The following CCDC102B variants were observed in gnomAD, a reference collection of about 807,000 sequenced individuals.
The protein encoded by CCDC102B is coiled-coil domain containing 102B, also known as coiled-coil domain-containing protein 102B.
In CCDC102B, 75 loss-of-function variants were observed where a neutral mutation model predicts 57.4. That is an observed-to-expected ratio of 1.31 (90% confidence interval 1.08 to 1.58). CCDC102B has a LOEUF of 1.58. CCDC102B is among the 40% of genes most tolerant of loss of function. The pLI, the probability that CCDC102B is intolerant of heterozygous loss-of-function variation, is 0.00. For synonymous variants in CCDC102B, 206 were observed against 201.9 expected (o/e 1.02, Z -0.17); for missense variants, 636 against 582.6 (o/e 1.09, Z -0.94).
chr18:69,041,041 A>C (rs1004031067), intron 7 of CCDC102B, among the ~76,000 whole-genome samples: 1 of 152,074 alleles, frequency 6.6e-6, no homozygotes, highest in Non-Finnish European at 1.5e-5. Flanking sequence ...TGTTAGAGTA[A>C]AAAGAAATCA....
intron 6 of CCDC102B, among the ~76,000 whole-genome samples, chr18:68,925,886 T>C (rs1377919375): frequency 6.6e-6 from 1 of 151,974 alleles, no homozygotes; most frequent in Non-Finnish European, 1.5e-5. Context: ...GAGTATATTA[T>C]CAATATATAT....
intron 7 of CCDC102B, among the ~76,000 whole-genome samples, chr18:69,051,730 T>C (rs920262434): frequency 6.6e-6 from 1 of 152,020 alleles, no homozygotes; most frequent in Admixed American, 6.6e-5. Flanking sequence ...TTATACATCA[T>C]ATATACAGAA....
intron 6 of CCDC102B, among the ~76,000 whole-genome samples, chr18:69,007,806 T>C (rs1428914493): frequency 1.3e-5 from 2 of 152,212 alleles, no homozygotes; most frequent in African/African-American, 4.8e-5. Flanking sequence ...GGGCTCTGCT[T>C]ATAAAAATGG....
At chr18:68,916,278 A>T (rs1757021571) in intron 6 of CCDC102B, among the ~76,000 whole-genome samples, 1 of 152,158 alleles carries the variant, frequency 6.6e-6, no homozygotes, top group African/African-American at 2.4e-5. Flanking sequence ...CACCCAGTAG[A>T]CTACCACAGC....
intron 6 of CCDC102B, among the ~76,000 whole-genome samples, chr18:68,939,745 T>C (rs2049330554): frequency 6.6e-6 from 1 of 151,874 alleles, no homozygotes; most frequent in Admixed American, 6.6e-5. Flanking sequence ...CTCCTCATTC[T>C]GCTTTTTAAA....
At chr18:68,879,038 C>T (rs951422785) in intron 5 of CCDC102B, among the ~76,000 whole-genome samples, 1 of 151,912 alleles carries the variant, frequency 6.6e-6, no homozygotes, top group African/African-American at 2.4e-5. Flanking sequence ...CTCGCTGGCT[C>T]AGGAGTGAAG....
At chr18:68,861,553 A>G (rs1179871843) in intron 4 of CCDC102B, among the ~76,000 whole-genome samples, 1 of 152,204 alleles carries the variant, frequency 6.6e-6, no homozygotes, top group Non-Finnish European at 1.5e-5. Context: ...CCTACTGAGT[A>G]CTGAGAAAGA....
At chr18:68,888,848 T>C (rs1412267398) in intron 5 of CCDC102B, among the ~76,000 whole-genome samples, 2 of 152,184 alleles carry the variant, frequency 1.3e-5, no homozygotes, top group African/African-American at 4.8e-5. Context: ...TAGTAAGTCA[T>C]GTGTGGTATA....
chr18:69,037,444 G>A (rs985935934), intron 7 of CCDC102B, among the ~76,000 whole-genome samples: 1 of 151,932 alleles, frequency 6.6e-6, no homozygotes, highest in African/African-American at 2.4e-5. Context: ...TAATGAAAAC[G>A]ACATCTGTCA....
At chr18:68,912,617 C>T (rs34908009) in intron 6 of CCDC102B, among the ~76,000 whole-genome samples, 4,517 of 152,144 alleles carry the variant, frequency 0.03, 99 homozygotes, top group Non-Finnish European at 0.045. Flanking sequence ...ATAGTATATA[C>T]GTTTTTTAGT....
intron 2 of CCDC102B, among the ~76,000 whole-genome samples, chr18:68,769,472 A>G (rs115984681): frequency 0.013 from 1,943 of 152,182 alleles, 36 homozygotes; most frequent in African/African-American, 0.044. Context: ...AATTAGGTCC[A>G]TAGCACACCT....
chr18:68,794,025 T>C (rs186726640), upstream of CCDC102B, among the ~76,000 whole-genome samples: 102 of 152,280 alleles, frequency 6.7e-4, no homozygotes, highest in African/African-American at 2.4e-3. Context: ...CCCCATTGTT[T>C]CTCCAGCTAG....
chr18:68,784,196 G>A (rs1465689957), intron 2 of CCDC102B, among the ~76,000 whole-genome samples: 1 of 152,158 alleles, frequency 6.6e-6, no homozygotes, highest in Non-Finnish European at 1.5e-5. Flanking sequence ...TCTGTGGGCT[G>A]TGCAGGAAGC....
chr18:68,960,228 A>G (rs2050011638), intron 6 of CCDC102B, among the ~76,000 whole-genome samples: 1 of 152,110 alleles, frequency 6.6e-6, no homozygotes, highest in Non-Finnish European at 1.5e-5. Context: ...CCAGGACTGT[A>G]TCCTTCCCTT....
At chr18:68,788,332 A>T (rs954769091) in intron 2 of CCDC102B, among the ~76,000 whole-genome samples, 2 of 148,844 alleles carry the variant, frequency 1.3e-5, no homozygotes, top group South Asian at 4.2e-4. Flanking sequence ...AGTTCTGTAG[A>T]TGTCTATTAG....
At chr18:68,757,166 T>C (rs1352682274) in intron 2 of CCDC102B, among the ~76,000 whole-genome samples, 1 of 152,206 alleles carries the variant, frequency 6.6e-6, no homozygotes, top group Admixed American at 6.6e-5. Flanking sequence ...CTGAACTTTT[T>C]TCTCCTTATC....
intron 5 of CCDC102B, among the ~76,000 whole-genome samples, chr18:68,893,113 T>A (rs190370077): frequency 6.6e-6 from 1 of 152,350 alleles, no homozygotes; most frequent in Admixed American, 6.5e-5. Context: ...AAATACACTA[T>A]TTTGTATCTG....
At chr18:69,017,323 T>A (rs1431404) in intron 7 of CCDC102B, among the ~76,000 whole-genome samples, 1 of 152,074 alleles carries the variant, frequency 6.6e-6, no homozygotes, top group Non-Finnish European at 1.5e-5. Context: ...TGGGGTTTCT[T>A]CATGTTGCCC....
intron 7 of CCDC102B, among the ~76,000 whole-genome samples, chr18:69,039,275 T>C (rs1463540735): frequency 6.6e-6 from 1 of 152,026 alleles, no homozygotes; most frequent in Non-Finnish European, 1.5e-5. Context: ...TTGCTTTTAT[T>C]AAATTAACAT....
Sources: gnomAD v4.1 joint callset for allele counts (sites outside exome capture counted in the v4.1 genomes callset) on GRCh38, gnomAD v4.1.1 for gene constraint, MANE v1.5 for transcripts, NCBI Gene and HGNC (gene_info 2026-07-23, HGNC 2026-07-21) for gene names.